EIF4G3: variants seen among roughly 807,000 people sequenced by gnomAD.
EIF4G3 encodes the protein eIF-4-gamma 3.
A neutral mutation model predicts 186.4 loss-of-function variants in EIF4G3; 34 were observed. The observed-to-expected ratio is 0.18, with a 90% CI of 0.14 to 0.24. The LOEUF is 0.24. Among genes scored for constraint, EIF4G3 ranks in the 10% least tolerant of loss-of-function variants. EIF4G3 has a pLI of 1.00. For synonymous variants in EIF4G3, 673 were observed against 679.5 expected, an observed-to-expected ratio of 0.99 and a Z score of 0.15; for missense variants, 1,536 against 1,948.5, an observed-to-expected ratio of 0.79 and a Z score of 3.99.
At position 21,133,182 on chromosome 1, in the gene EIF4G3, C is replaced by G. The variant is rs141177313; in HGVS notation, c.-272+42993G>C. ...TGTAGCAGATTTAAATAATATTACA[C>G]TTCACAGATAGGGCTGGGTTCAAGC... On this transcript the variant is annotated intron_variant, in intron 2 of 36. Transcript: ENST00000602326. Among the ~76,000 whole-genome samples, 4 of 152,278 alleles carry G rather than the reference C, an allele frequency of 2.6e-5. No individual in the cohort carries two copies. In the East Asian group the frequency reaches 7.7e-4, roughly 29 times the overall value.
At chr1:21,113,201 GGAGAAGAGTAGCACTGTACATTT>G (rs936568458) in intron 2 of EIF4G3, among the ~76,000 whole-genome samples, 1 of 150,114 alleles carries the variant, frequency 6.7e-6, no homozygotes, top group African/African-American at 2.4e-5. Context: ...TTTAATGCAG[GGAGAAGAGTAGCACTGTACATTT>G]TTTGCAAATC....
At chr1:20,850,073 C>T (rs1376935441) in intron 28 of EIF4G3, among the ~76,000 whole-genome samples, 2 of 152,176 alleles carry the variant, frequency 1.3e-5, no homozygotes, top group African/African-American at 4.8e-5. Context: ...CTCCTTGGTA[C>T]CAGATAGTTC....
chr1:20,904,495 G>A (rs1572499729), intron 15 of EIF4G3, among the ~76,000 whole-genome samples: 2 of 152,102 alleles, frequency 1.3e-5, no homozygotes, highest in Admixed American at 6.6e-5. Context: ...ACAGGTATGC[G>A]CCACCATGTG....
intron 2 of EIF4G3, among the ~76,000 whole-genome samples, chr1:21,097,134 C>G (rs2096393335): frequency 6.6e-6 from 1 of 152,156 alleles, no homozygotes; most frequent in Non-Finnish European, 1.5e-5. Context: ...GGAGATTCTT[C>G]TAAGTTTGGC....
At chr1:21,082,805 G>A (rs890193997) in intron 3 of EIF4G3, among the ~76,000 whole-genome samples, 2 of 151,594 alleles carry the variant, frequency 1.3e-5, no homozygotes, top group African/African-American at 2.4e-5. Flanking sequence ...TTGGGAGGCC[G>A]AGACGGGCGG....
chr1:21,164,078 TTTTG>T (rs944074885), intron 2 of EIF4G3, among the ~76,000 whole-genome samples: 1 of 152,138 alleles, frequency 6.6e-6, no homozygotes, highest in Non-Finnish European at 1.5e-5. Context: ...CCAGCTCCAA[TTTTG>T]TTTCTTTATA....
chr1:20,912,046 T>C (rs548514199), intron 14 of EIF4G3, among the ~76,000 whole-genome samples: 4 of 152,116 alleles, frequency 2.6e-5, no homozygotes, highest in South Asian at 2.1e-4. Flanking sequence ...GAGGTCAAGA[T>C]TGGAGCACTG....
intron 4 of EIF4G3, among the ~76,000 whole-genome samples, chr1:21,027,185 C>T (rs1015353287): frequency 7.1e-6 from 1 of 141,038 alleles, no homozygotes; most frequent in African/African-American, 2.6e-5. Flanking sequence ...TGTACATACA[C>T]ACATACAATT....
chr1:20,978,305 A>G (rs2077263483), intron 10 of EIF4G3, among the ~76,000 whole-genome samples: 1 of 152,218 alleles, frequency 6.6e-6, no homozygotes, highest in African/African-American at 2.4e-5. Flanking sequence ...TATATTGTGT[A>G]ACTTTTAAAC....
At chr1:21,158,166 T>C (rs1456123917) in intron 2 of EIF4G3, among the ~76,000 whole-genome samples, 1 of 146,830 alleles carries the variant, frequency 6.8e-6, no homozygotes, top group African/African-American at 2.5e-5. Context: ...AACAAATACA[T>C]AGCTTTTTTT....
At chr1:21,040,525 G>A (rs150365381) in intron 4 of EIF4G3, among the ~76,000 whole-genome samples, 9 of 152,194 alleles carry the variant, frequency 5.9e-5, no homozygotes, top group Admixed American at 2.6e-4. Flanking sequence ...TCAGTCAAAA[G>A]TTCCAGAGGC....
rs113115755 is a variant in EIF4G3 at position 20,963,594 on chromosome 1, A to G, written c.714+5880T>C. On this transcript the variant is annotated intron_variant, in intron 12 of 36. Transcript: ENST00000602326. ...ATAACTGTGTTTCATTACAATAATA[A>G]TTCTAGAAGCAGGGGGGAAAAAGAG... Among the ~76,000 whole-genome samples, 907 of 152,304 alleles carry G rather than the reference A, an allele frequency of 6.0e-3. 15 individuals are homozygous for G. The highest frequency in any genetic ancestry group is 0.024 in the East Asian group (125 of 5,178).
At chr1:20,920,974 CA>C (rs2094450241) in intron 14 of EIF4G3, among the ~76,000 whole-genome samples, 1 of 152,094 alleles carries the variant, frequency 6.6e-6, no homozygotes, top group African/African-American at 2.4e-5. Context: ...CTCCAAACAA[CA>C]TAACTGACTC....
At chr1:21,015,066 TA>T (rs1252734441) in intron 4 of EIF4G3, among the ~76,000 whole-genome samples, 1 of 129,178 alleles carries the variant, frequency 7.7e-6, no homozygotes, top group Non-Finnish European at 1.6e-5. Context: ...GAGATAGAAA[TA>T]GTTTAAAAAA....
At chr1:21,115,005 A>G (rs1208256443) in intron 2 of EIF4G3, among the ~76,000 whole-genome samples, 1 of 152,226 alleles carries the variant, frequency 6.6e-6, no homozygotes, top group African/African-American at 2.4e-5. Flanking sequence ...TCTACGGAAA[A>G]AAACCTTTTT....
At chr1:20,889,382 G>T (rs1445584281) in intron 18 of EIF4G3, among the ~76,000 whole-genome samples, 1 of 152,186 alleles carries the variant, frequency 6.6e-6, no homozygotes, top group Non-Finnish European at 1.5e-5. Flanking sequence ...GTTAAAATAA[G>T]TATAAATGGC....
chr1:20,978,013 T>C (rs1045269487), intron 10 of EIF4G3, among the ~76,000 whole-genome samples: 4 of 152,202 alleles, frequency 2.6e-5, no homozygotes, highest in African/African-American at 7.2e-5. Flanking sequence ...AGAAGACTAA[T>C]TGTATTCCCT....
At chr1:21,125,988 G>A (rs1253765891) in intron 2 of EIF4G3, among the ~76,000 whole-genome samples, 1 of 151,438 alleles carries the variant, frequency 6.6e-6, no homozygotes, top group South Asian at 2.1e-4. Flanking sequence ...AGGATCACTT[G>A]AGTCCAGGAG....
At chr1:20,817,261 TA>T (rs916924003) in intron 34 of EIF4G3, 130 bp downstream of exon 34, 1 of 298,212 alleles carries the variant, frequency 3.4e-6, no homozygotes, top group Non-Finnish European at 4.8e-6. Context: ...AATAAATAAA[TA>T]AAAAAATAAA....
Sources: gnomAD v4.1 joint callset for allele counts (sites outside exome capture counted in the v4.1 genomes callset) on GRCh38, gnomAD v4.1.1 for gene constraint, MANE v1.5 for transcripts, NCBI Gene and HGNC (gene_info 2026-07-23, HGNC 2026-07-21) for gene names.